The following DCC variants were observed in gnomAD, a reference collection of about 807,000 sequenced individuals.
DCC encodes netrin receptor DCC.
Under a neutral mutation model 172.5 loss-of-function variants are expected in DCC, and 58 were observed. The observed-to-expected ratio is 0.34, with a 90% CI of 0.27 to 0.42. DCC has a LOEUF of 0.42. Among genes scored for constraint, DCC ranks in the 10% least tolerant of loss-of-function variants. The probability of loss-of-function intolerance (pLI) is 1.00; values close to 1 mark genes in which losing one functional copy is unlikely to be tolerated. For missense variants in DCC, 1,740 were observed against 1,791.0 expected (o/e 0.97, Z 0.51); for synonymous variants, 709 against 644.5 (o/e 1.10, Z -1.52).
At chr18:53,283,829 C>G (rs541101046) in intron 12 of DCC, among the ~76,000 whole-genome samples, 2 of 152,174 alleles carry the variant, frequency 1.3e-5, no homozygotes, top group Non-Finnish European at 1.5e-5. Flanking sequence ...TCTGGTATGA[C>G]TTTGTCAATG....
chr18:52,746,257 A>C (rs1379579370), intron 1 of DCC, among the ~76,000 whole-genome samples: 1 of 152,180 alleles, frequency 6.6e-6, no homozygotes. Context: ...ATGAAGATTC[A>C]CGGATCATCA....
chr18:53,281,897 T>A (rs1239891412), intron 12 of DCC, among the ~76,000 whole-genome samples: 1 of 151,998 alleles, frequency 6.6e-6, no homozygotes, highest in Non-Finnish European at 1.5e-5. Flanking sequence ...TTATAAAATC[T>A]TATACACAGC....
intron 2 of DCC, among the ~76,000 whole-genome samples, chr18:52,855,503 A>G (rs1598870519): frequency 6.6e-6 from 1 of 152,354 alleles, no homozygotes; most frequent in East Asian, 1.9e-4. Flanking sequence ...TACAAAGACT[A>G]CACACATACT....
At chr18:52,784,929 A>AG (rs1214291605) in intron 2 of DCC, among the ~76,000 whole-genome samples, 13 of 125,390 alleles carry the variant, frequency 1.0e-4, no homozygotes, top group African/African-American at 4.6e-4. Flanking sequence ...AGAGAAGAGA[A>AG]GGGGGGAGAG....
At chr18:52,786,683 G>T (rs1245515870) in intron 2 of DCC, among the ~76,000 whole-genome samples, 1 of 152,092 alleles carries the variant, frequency 6.6e-6, no homozygotes, top group Non-Finnish European at 1.5e-5. Context: ...TGAGTTGGGT[G>T]ATCCTTTTCT....
chr18:53,229,256 A>G (rs1334404017), intron 12 of DCC, among the ~76,000 whole-genome samples: 1 of 152,106 alleles, frequency 6.6e-6, no homozygotes, highest in Non-Finnish European at 1.5e-5. Context: ...ATGCAAAAAC[A>G]CAGATTGGTC....
At chr18:52,567,364 T>G (rs906939556) in intron 1 of DCC, among the ~76,000 whole-genome samples, 3 of 152,068 alleles carry the variant, frequency 2.0e-5, no homozygotes, top group Non-Finnish European at 4.4e-5. Context: ...CTGCCTTGTG[T>G]GAAATTGATC....
chr18:53,043,791 T>G (rs1265663697), intron 5 of DCC, among the ~76,000 whole-genome samples: 1 of 151,894 alleles, frequency 6.6e-6, no homozygotes, highest in Non-Finnish European at 1.5e-5. Context: ...TTAGATACTT[T>G]TGCACTATGA....
intron 7 of DCC, among the ~76,000 whole-genome samples, chr18:53,123,116 G>A (rs942316972): frequency 2.0e-5 from 3 of 152,022 alleles, no homozygotes; most frequent in African/African-American, 7.2e-5. Context: ...CACAGTCTTT[G>A]CATATGTCAT....
At chr18:53,051,000 C>A (rs1007877596) in intron 5 of DCC, among the ~76,000 whole-genome samples, 1 of 152,074 alleles carries the variant, frequency 6.6e-6, no homozygotes, top group Admixed American at 6.6e-5. Flanking sequence ...GAGGCTGAGG[C>A]AGGAGGACTG....
intron 3 of DCC, among the ~76,000 whole-genome samples, chr18:52,916,283 C>G (rs560960332): frequency 6.6e-6 from 1 of 151,444 alleles, no homozygotes; most frequent in East Asian, 1.9e-4. Flanking sequence ...GCTGTTCACA[C>G]TTGGATACTT....
At chr18:53,331,866 G>A (rs1475658499) in intron 14 of DCC, among the ~76,000 whole-genome samples, 4 of 152,180 alleles carry the variant, frequency 2.6e-5, no homozygotes, top group African/African-American at 9.7e-5. Context: ...GTTTTGTTAG[G>A]ATAAACCTTG....
chr18:53,351,052 TA>T (rs1203641147), intron 15 of DCC, among the ~76,000 whole-genome samples: 1 of 151,140 alleles, frequency 6.6e-6, no homozygotes, highest in East Asian at 2.0e-4. Context: ...GAGTGTCTTC[TA>T]AACCTATAGC....
chr18:52,792,754 GATTCTATTCCATTCT>G (rs761246928), intron 2 of DCC, among the ~76,000 whole-genome samples: 6,006 of 23,086 alleles, frequency 0.26, 198 homozygotes, highest in South Asian at 0.41. Flanking sequence ...CATTCCAGTT[GATTCTATTCCATTCT>G]ATTCCATTCC....
At chr18:53,265,289 T>C (rs1264945500) in intron 12 of DCC, among the ~76,000 whole-genome samples, 1 of 152,200 alleles carries the variant, frequency 6.6e-6, no homozygotes, top group Non-Finnish European at 1.5e-5. Flanking sequence ...ATATTACTAA[T>C]AGAGGTGACA....
chr18:53,185,761 G>T (rs1465141531), intron 9 of DCC, among the ~76,000 whole-genome samples: 1 of 152,172 alleles, frequency 6.6e-6, no homozygotes, highest in Non-Finnish European at 1.5e-5. Flanking sequence ...TGGTAGTCTA[G>T]TGGAAACAAC....
At position 53,322,173 on chromosome 18, in the gene DCC, A is replaced by G. The variant is rs201654541; in HGVS notation, c.2164+16A>G. 176 of 1,228,530 alleles carry G rather than the reference A, an allele frequency of 1.4e-4. No homozygotes were observed. Among genetic ancestry groups the G allele is most frequent in the African/African-American group, 5.9e-4 (40 of 67,884 alleles). The allele number at this position is 1,228,530 out of a possible 1,614,324, so 76.1% of individuals were successfully genotyped here. A position where few individuals can be genotyped will look rare whatever the true frequency, so the allele number is the denominator to read the frequency against. On this transcript the variant is annotated intron_variant, in intron 14 of 28. Coordinates refer to ENST00000442544, the MANE Select transcript of DCC (RefSeq NM_005215.4). ...GATCTAGATGGTAAGACTTTTTCCCAGTTACTATCACTCTGATTATCTTCT... is the reference window on the plus strand; with the variant it reads ...GATCTAGATGGTAAGACTTTTTCCCGGTTACTATCACTCTGATTATCTTCT...
chr18:53,203,190 T>C (rs148548424), intron 9 of DCC, among the ~76,000 whole-genome samples: 79 of 104,908 alleles, frequency 7.5e-4, no homozygotes, highest in African/African-American at 2.4e-3. Context: ...TCTGATGATA[T>C]ATAGATTCTC....
intron 1 of DCC, among the ~76,000 whole-genome samples, chr18:52,567,940 T>A (rs1037536785): frequency 7.2e-5 from 11 of 152,132 alleles, no homozygotes; most frequent in Non-Finnish European, 5.9e-5. Flanking sequence ...TTAATATGCA[T>A]GCACACACAC....
Sources: gnomAD v4.1 joint callset for allele counts (sites outside exome capture counted in the v4.1 genomes callset) on GRCh38, gnomAD v4.1.1 for gene constraint, MANE v1.5 for transcripts, NCBI Gene and HGNC (gene_info 2026-07-23, HGNC 2026-07-21) for gene names.